The following KCNK9 variants were observed in gnomAD, a reference collection of about 807,000 sequenced individuals.
The protein encoded by KCNK9 is potassium channel subfamily K member 9.
Under a neutral mutation model 10.8 loss-of-function variants are expected in KCNK9, and 1 was observed. The observed-to-expected ratio is 0.09, with a 90% CI of 0.03 to 0.44. The LOEUF is 0.44. KCNK9 is among the 20% of genes least tolerant of loss of function. KCNK9 has a pLI of 0.97. For synonymous variants in KCNK9, 231 were observed against 222.7 expected (o/e 1.04, Z -0.33); for missense variants, 303 against 515.0 (o/e 0.59, Z 3.98).
intron 1 of KCNK9, among the ~76,000 whole-genome samples, chr8:139,632,358 G>T (rs1175614703): frequency 3.9e-5 from 6 of 152,230 alleles, no homozygotes; most frequent in Non-Finnish European, 8.8e-5. Context: ...GACGGAGTCA[G>T]CCCACGCTGG....
In KCNK9 at chr8:139,618,714, A is replaced by G. The variant is rs746229241; in HGVS notation, c.669T>C (p.Phe223=). 1 of 1,614,184 alleles carries G rather than the reference A, an allele frequency of 6.2e-7. No homozygotes were observed. Among genetic ancestry groups the G allele is most frequent in the Admixed American group, 1.7e-5 (1 of 60,018 alleles). The change falls in exon 2 of 2, where the codon TTT becomes TTC. Residue 223 remains phenylalanine (F), a synonymous_variant. Transcript: ENST00000520439. This position sits in a 1 kb window ranked among gnomAD's most constrained non-coding sequence, Gnocchi z 7.9. The part of the protein sequence containing the change: ...ALQKKPLYVA[F]SFMYILVGLT... ...GCCCCACCAGGATATACATAAAGCT[A>G]AAGGCCACGTAGAGCGGCTTCTTCT...
At chr8:139,634,970 G>A (rs1052115872) in intron 1 of KCNK9, among the ~76,000 whole-genome samples, 13 of 152,156 alleles carry the variant, frequency 8.5e-5, no homozygotes, top group Admixed American at 5.2e-4. Flanking sequence ...GGTGCGAGGC[G>A]TCTAGGGCCA....
At chr8:139,665,013 C>T (rs542551964) in intron 1 of KCNK9, among the ~76,000 whole-genome samples, 15 of 152,330 alleles carry the variant, frequency 9.8e-5, no homozygotes, top group African/African-American at 3.4e-4. Context: ...TATAATTCTA[C>T]ACAAGGTAAC....
intron 1 of KCNK9, among the ~76,000 whole-genome samples, chr8:139,633,196 A>T (rs765117948): frequency 1.3e-5 from 2 of 152,152 alleles, no homozygotes; most frequent in Non-Finnish European, 2.9e-5. Flanking sequence ...TACACATGAC[A>T]TGCTTACATA....
intron 1 of KCNK9, among the ~76,000 whole-genome samples, chr8:139,644,201 TAGGAGGC>T (rs1220706164): frequency 6.6e-6 from 1 of 152,164 alleles, no homozygotes; most frequent in East Asian, 1.9e-4. Flanking sequence ...CCGCAGCTTG[TAGGAGGC>T]AGTGTGGACA....
In KCNK9 at chr8:139,702,469, C is replaced by A. The variant is rs368912427; in HGVS notation, c.283+241G>T. Among the ~76,000 whole-genome samples, 11 of 152,328 alleles carry A rather than the reference C, an allele frequency of 7.2e-5. No homozygotes were observed. In the South Asian group the frequency reaches 1.2e-3, roughly 17 times the overall value. ...CCGGCTCAGGCACACTCGCTCGGGG[C>A]TCGCACGCCCGGCCCAGACACCAGC... On this transcript the variant is annotated intron_variant, in intron 1 of 1. Transcript: ENST00000520439. The surrounding 1 kb of genome is among the most constrained non-coding windows in gnomAD (Gnocchi z 7.5).
downstream of KCNK9, chr8:139,601,092 G>A (rs1016191164): frequency 6.6e-6 from 1 of 152,208 alleles, no homozygotes; most frequent in African/African-American, 2.4e-5. Context: ...GGGCCCTGCA[G>A]GAGGGCCAGG....
rs974908158 is a variant in KCNK9 at position 139,692,533 on chromosome 8, A to C, written c.283+10177T>G. 1.8e-4 allele frequency among the ~76,000 whole-genome samples: 28 copies of C among 152,180 alleles called. 1 individual carries two copies. The highest frequency in any genetic ancestry group is 5.8e-4 in the African/African-American group (24 of 41,442). ...CCCCCTCACTAGTGTTTGAATACCT[A>C]TGGCCTGAACATTGTCCCAGACAGA... On this transcript the variant is annotated intron_variant, in intron 1 of 1. Transcript: ENST00000520439.
chr8:139,678,031 G>T (rs988809909), intron 1 of KCNK9, among the ~76,000 whole-genome samples: 1 of 152,208 alleles, frequency 6.6e-6, no homozygotes, highest in Non-Finnish European at 1.5e-5. Context: ...TCGCATCCCA[G>T]CCCCACAGCC....
In KCNK9 at chr8:139,702,445, C is replaced by A. The variant is rs1210115407; in HGVS notation, c.283+265G>T. ...CGCAAAAGTGGCGCCTCCGCCCTCC[C>A]GGCTCAGGCACACTCGCTCGGGGCT... On this transcript the variant is annotated intron_variant, in intron 1 of 1. Transcript: ENST00000520439. The surrounding 1 kb of genome is among the most constrained non-coding windows in gnomAD (Gnocchi z 7.5). Among the ~76,000 whole-genome samples the A allele has an allele frequency of 2.0e-5, 3 of 152,276 alleles. No homozygotes were observed. Among genetic ancestry groups the A allele is most frequent in the African/African-American group, 7.2e-5 (3 of 41,566 alleles).
At chr8:139,692,013 G>T (rs748255623) in intron 1 of KCNK9, among the ~76,000 whole-genome samples, 2 of 152,216 alleles carry the variant, frequency 1.3e-5, no homozygotes, top group Non-Finnish European at 2.9e-5. Context: ...CCTTTGACTT[G>T]TGTTCTTCCT....
At chr8:139,619,740 C>T (rs1232326935) in intron 1 of KCNK9, among the ~76,000 whole-genome samples, 1 of 152,232 alleles carries the variant, frequency 6.6e-6, no homozygotes, top group East Asian at 1.9e-4. Context: ...GAGTTTTCAA[C>T]TGCCAAGAAT....
At chr8:139,601,377 C>A (rs1244717510) in exon 3 of KCNK9, 1 of 152,188 alleles carries the variant, frequency 6.6e-6, no homozygotes, top group Non-Finnish European at 1.5e-5. Context: ...GTGGACTTGG[C>A]AGGATTAGAG....
At chr8:139,645,300 G>A (rs567320086) in intron 1 of KCNK9, among the ~76,000 whole-genome samples, 2 of 152,074 alleles carry the variant, frequency 1.3e-5, no homozygotes, top group East Asian at 3.9e-4. Context: ...GGCTCAGACC[G>A]GCCCAGGGAG....
At chr8:139,677,418 C>T (rs1217976167) in intron 1 of KCNK9, among the ~76,000 whole-genome samples, 11 of 152,114 alleles carry the variant, frequency 7.2e-5, no homozygotes, top group Non-Finnish European at 1.3e-4. Context: ...AGTCTGACCC[C>T]AAATGCCAAA....
chr8:139,625,253 C>T (rs1814933548), intron 1 of KCNK9, among the ~76,000 whole-genome samples: 1 of 152,226 alleles, frequency 6.6e-6, no homozygotes, highest in South Asian at 2.1e-4. Context: ...ACAGGGCCTT[C>T]TTAGCCGGTT....
At chr8:139,607,813 T>C (rs2130079605), downstream of KCNK9, among the ~76,000 whole-genome samples, 2 of 152,350 alleles carry the variant, frequency 1.3e-5, no homozygotes, top group Middle Eastern at 6.8e-3. Flanking sequence ...CAGTCCAGGA[T>C]GTGACCACAC....
intron 1 of KCNK9, among the ~76,000 whole-genome samples, chr8:139,695,166 C>CT (rs1451182054): frequency 6.6e-6 from 1 of 152,218 alleles, no homozygotes; most frequent in Non-Finnish European, 1.5e-5. Context: ...GACAGGGACA[C>CT]TTTTGCTTAG....
chr8:139,634,015 C>T (rs923409166), intron 1 of KCNK9, among the ~76,000 whole-genome samples: 2 of 152,242 alleles, frequency 1.3e-5, no homozygotes, highest in Non-Finnish European at 1.5e-5. Flanking sequence ...TTGTGCCTGC[C>T]GCATACAGGC....
Sources: gnomAD v4.1 joint callset for allele counts (sites outside exome capture counted in the v4.1 genomes callset) on GRCh38, gnomAD v4.1.1 for gene constraint, Gnocchi (gnomAD v3.1) non-coding constraint, MANE v1.5 for transcripts, NCBI Gene and HGNC (gene_info 2026-07-23, HGNC 2026-07-21) for gene names.